Variants in PLEKHA2 observed in about 807,000 individuals in gnomAD.
PLEKHA2 encodes the protein pleckstrin homology domain-containing family A member 2.
Under a neutral mutation model 53.2 loss-of-function variants are expected in PLEKHA2, and 28 were observed. The observed-to-expected ratio is 0.53, with a 90% CI of 0.39 to 0.72. The LOEUF (loss-of-function observed/expected upper bound fraction) is 0.72, where lower values mean the gene tolerates loss of function less well. Ranked by LOEUF, PLEKHA2 falls within the 30% of genes least tolerant of loss-of-function variation. PLEKHA2 has a pLI of 0.00. For synonymous variants in PLEKHA2, 193 were observed against 196.4 expected, an observed-to-expected ratio of 0.98 and a Z score of 0.14; for missense variants, 426 against 537.9, an observed-to-expected ratio of 0.79 and a Z score of 2.06.
intron 2 of PLEKHA2, among the ~76,000 whole-genome samples, chr8:38,932,311 A>T (rs998719759): frequency 3.3e-5 from 5 of 152,190 alleles, no homozygotes; most frequent in Non-Finnish European, 5.9e-5. Flanking sequence ...TGGGGTTTTT[A>T]AAACAAGCTC....
chr8:38,926,471 T>C (rs551499696), intron 2 of PLEKHA2, among the ~76,000 whole-genome samples: 1 of 152,036 alleles, frequency 6.6e-6, no homozygotes, highest in East Asian at 1.9e-4. Flanking sequence ...TGGATTTGAC[T>C]GGGCCTGGTC....
intron 2 of PLEKHA2, among the ~76,000 whole-genome samples, chr8:38,920,378 G>GAT: frequency 6.6e-6 from 1 of 151,562 alleles, no homozygotes; most frequent in South Asian, 2.1e-4. Context: ...ATGGTCTCAA[G>GAT]CTCCTGACCT....
At chr8:38,909,580 A>C (rs1833926250) in intron 1 of PLEKHA2, among the ~76,000 whole-genome samples, 1 of 152,120 alleles carries the variant, frequency 6.6e-6, no homozygotes, top group African/African-American at 2.4e-5. Flanking sequence ...TCCTCGGGGC[A>C]ATTTTTTTCT....
At chr8:38,920,910 C>T (rs1834179314) in intron 2 of PLEKHA2, among the ~76,000 whole-genome samples, 1 of 152,072 alleles carries the variant, frequency 6.6e-6, no homozygotes, top group South Asian at 2.1e-4. Flanking sequence ...AAGCGATTCT[C>T]CTGTCTCAGC....
At position 38,933,778 on chromosome 8, in the gene PLEKHA2, T is replaced by TAAAAAAAA. The variant is rs774899490; in HGVS notation, c.142-2207_142-2200dup. ...CTCTTCCTACCCAATAGAGGTTTCC[T>TAAAAAAAA]AAAAAAAAAAAAAAAAGAAAAGAAA... On this transcript the variant is annotated intron_variant, in intron 2 of 11. Transcript: ENST00000617275. Among the ~76,000 whole-genome samples the TAAAAAAAA allele has an allele frequency of 1.8e-4, 9 of 49,018 alleles. 2 individuals are homozygous for TAAAAAAAA. Among genetic ancestry groups the TAAAAAAAA allele is most frequent in the African/African-American group, 2.1e-4 (3 of 14,132 alleles). The allele number at this position is 49,018 out of a possible 152,430, so 32.2% of individuals were successfully genotyped here.
intron 8 of PLEKHA2, 119 bp downstream of exon 8, chr8:38,952,823 C>T (rs1162610627): frequency 2.0e-6 from 2 of 1,025,474 alleles, no homozygotes; most frequent in African/African-American, 3.2e-5. Flanking sequence ...TTCAAAGGCG[C>T]CTCTGTCTTA....
chr8:38,913,380 A>AG (rs944457611), intron 1 of PLEKHA2, among the ~76,000 whole-genome samples: 3 of 146,278 alleles, frequency 2.1e-5, no homozygotes, highest in African/African-American at 4.9e-5. Flanking sequence ...GAAAAAAAAA[A>AG]AAAAAAGAAA....
At chr8:38,943,718 A>G (rs1834654668) in intron 3 of PLEKHA2, 71 bp from the exon 4 acceptor site, 2 of 1,259,734 alleles carry the variant, frequency 1.6e-6, no homozygotes, top group African/African-American at 1.5e-5. Flanking sequence ...TATATGAGAA[A>G]TTTCACAATA....
chr8:38,936,697 G>A (rs183273626), intron 3 of PLEKHA2, among the ~76,000 whole-genome samples: 1 of 152,250 alleles, frequency 6.6e-6, no homozygotes, highest in Non-Finnish European at 1.5e-5. Flanking sequence ...GGTTAACGGT[G>A]CCCACATGTA....
At chr8:38,942,755 A>G (rs1834634665) in intron 3 of PLEKHA2, among the ~76,000 whole-genome samples, 1 of 152,192 alleles carries the variant, frequency 6.6e-6, no homozygotes, top group Non-Finnish European at 1.5e-5. Context: ...TTGAGCCTGA[A>G]TGATGAGAGT....
intron 2 of PLEKHA2, among the ~76,000 whole-genome samples, chr8:38,923,530 T>A (rs554307686): frequency 3.7e-4 from 56 of 152,310 alleles, no homozygotes; most frequent in Middle Eastern, 3.4e-3. Flanking sequence ...TACGTGCCTT[T>A]TATCCTTTCA....
At chr8:38,951,024 G>A (rs775739508) in intron 6 of PLEKHA2, 34 bp downstream of exon 6, 5 of 1,603,124 alleles carry the variant, frequency 3.1e-6, no homozygotes, top group Admixed American at 1.7e-5. Flanking sequence ...GGGGGGAGTG[G>A]GGGTGTGGAA....
chr8:38,920,151 A>G (rs1461480836), intron 2 of PLEKHA2, among the ~76,000 whole-genome samples: 2 of 147,214 alleles, frequency 1.4e-5, no homozygotes, highest in Non-Finnish European at 3.0e-5. Flanking sequence ...TTTGTTATTT[A>G]TTTATTGATT....
intron 10 of PLEKHA2, among the ~76,000 whole-genome samples, chr8:38,958,625 G>T (rs1834985638): frequency 1.3e-5 from 2 of 152,320 alleles, no homozygotes; most frequent in African/African-American, 4.8e-5. Flanking sequence ...ACAGCGGAGT[G>T]GGGGCTTGGG....
chr8:38,906,653 A>G (rs112377243), intron 1 of PLEKHA2, among the ~76,000 whole-genome samples: 1 of 152,146 alleles, frequency 6.6e-6, no homozygotes, highest in African/African-American at 2.4e-5. Context: ...ATCTGCTATC[A>G]TGACAGTTTC....
At chr8:38,924,557 A>G (rs777264849) in intron 2 of PLEKHA2, among the ~76,000 whole-genome samples, 6 of 152,186 alleles carry the variant, frequency 3.9e-5, no homozygotes, top group Non-Finnish European at 8.8e-5. Context: ...GCCTTGTCTC[A>G]GGGAGCTGGG....
At chr8:38,963,993 A>T (rs1835086900) in intron 10 of PLEKHA2, among the ~76,000 whole-genome samples, 1 of 152,232 alleles carries the variant, frequency 6.6e-6, no homozygotes, top group Admixed American at 6.5e-5. Context: ...AAGATTTAAA[A>T]AATTATAATA....
intron 3 of PLEKHA2, among the ~76,000 whole-genome samples, chr8:38,942,483 G>A (rs1211668371): frequency 2.0e-5 from 3 of 152,158 alleles, no homozygotes; most frequent in Non-Finnish European, 4.4e-5. Flanking sequence ...ATAAAATAAA[G>A]TGGGAACCAC....
intron 9 of PLEKHA2, 42 bp downstream of exon 9, chr8:38,953,409 T>C (rs776597320): frequency 1.0e-5 from 16 of 1,528,382 alleles, no homozygotes; most frequent in East Asian, 2.2e-5. Flanking sequence ...AAACCTCCAT[T>C]TGTCCTCTTA....
Sources: gnomAD v4.1 joint callset for allele counts (sites outside exome capture counted in the v4.1 genomes callset) on GRCh38, gnomAD v4.1.1 for gene constraint, MANE v1.5 for transcripts, NCBI Gene and HGNC (gene_info 2026-07-23, HGNC 2026-07-21) for gene names.